Variants in UQCRC1 observed in about 807,000 individuals in gnomAD.
UQCRC1 encodes cytochrome b-c1 complex subunit 1, mitochondrial.
A neutral mutation model predicts 58.0 loss-of-function variants in UQCRC1; 34 were observed. The observed-to-expected ratio is 0.59, with a 90% CI of 0.45 to 0.78. The LOEUF is 0.78. UQCRC1 is among the 30% of genes least tolerant of loss of function. The pLI, the probability that UQCRC1 is intolerant of heterozygous loss-of-function variation, is 0.00. For synonymous variants in UQCRC1, 276 were observed against 248.8 expected, an observed-to-expected ratio of 1.11 and a Z score of -1.03; for missense variants, 610 against 646.0, an observed-to-expected ratio of 0.94 and a Z score of 0.60.
rs770628829 is a variant in UQCRC1 at position 48,601,086 on chromosome 3, G to A, written c.855C>T (p.Ala285=). Residue 285 remains alanine, a synonymous_variant, in exon 8 of 13, where the codon GCC becomes GCT. Transcript: ENST00000203407. ...IRHRDDALPF[A]HVAIAVEGPG... is the part of the protein sequence containing the mutation. ...GACCCTCTACTGCAATGGCCACGTG[G>A]GCAAAAGGTAGAGCATCATCACGGT... 4.4e-6 allele frequency: 7 copies of A among 1,606,584 alleles called. No individual in the cohort carries two copies. In the East Asian group the frequency reaches 1.3e-4, roughly 31 times the overall value.
intron 2 of UQCRC1, 96 bp downstream of exon 2, chr3:48,609,066 A>G: frequency 6.6e-7 from 1 of 1,508,060 alleles, no homozygotes; most frequent in South Asian, 1.3e-5. Context: ...CCCAAACCAC[A>G]AACGGGAAGA....
At position 48,608,736 on chromosome 3, in the gene UQCRC1, T is replaced by C. The variant is rs1478431977; in HGVS notation, c.210+426A>G. Among the ~76,000 whole-genome samples, 4 of 152,260 alleles carry C rather than the reference T, an allele frequency of 2.6e-5. No homozygotes were observed. The East Asian group carries it at 7.7e-4, about 29-fold the overall frequency. On this transcript the variant is annotated intron_variant, in intron 2 of 12. Coordinates refer to ENST00000203407, the MANE Select transcript of UQCRC1 (RefSeq NM_003365.3). ...TGGAAAATCACACATTTCATTGTAC[T>C]GTTAAAATGCATTTGCTTCCTAAAA...
chr3:48,600,412 G>A, intron 10 of UQCRC1, 70 bp downstream of exon 10: 1 of 1,578,308 alleles, frequency 6.3e-7, no homozygotes. Flanking sequence ...TTAGTTAGGA[G>A]CAGTGGCCAC....
chr3:48,609,405 G>A, intron 1 of UQCRC1, 103 bp from the exon 2 acceptor site: 8 of 1,518,618 alleles, frequency 5.3e-6, no homozygotes, highest in Non-Finnish European at 7.1e-6. Flanking sequence ...GGCAAGCGGC[G>A]AGATACCTTT....
chr3:48,609,589 G>A lies in UQCRC1; in HGVS notation c.32C>T (p.Thr11Ile), dbSNP rs1476053474. The change falls in exon 1 of 13, where the codon ACC (threonine) becomes ATC (isoleucine). Residue 11 changes from threonine (T) to isoleucine (I), a missense_variant. Thr to Ile is a moderately conservative substitution (Grantham distance 89, BLOSUM62 -1). Transcript: ENST00000203407. MAASVVCRAA[T>I]AGAQVLLRAR... ...GCGCAATAGCACTTGTGCCCCGGCG[G>A]TAGCGGCCCGACAGACCACGGACGC... 1.3e-6 allele frequency: 2 copies of A among 1,571,080 alleles called. No individual in the cohort carries two copies. The highest frequency in any genetic ancestry group is 1.8e-5 in the Admixed American group (1 of 56,198).
chr3:48,599,829 A>T, intron 11 of UQCRC1, 119 bp from the exon 12 acceptor site: 1 of 1,188,520 alleles, frequency 8.4e-7, no homozygotes, highest in South Asian at 1.3e-5. Context: ...CCCCAGCCCA[A>T]AAGAGGAAAG....
chr3:48,599,247 C>G, intron 12 of UQCRC1, 55 bp from the exon 13 acceptor site: 1 of 1,529,800 alleles, frequency 6.5e-7, no homozygotes, highest in Non-Finnish European at 8.9e-7. Flanking sequence ...ACAGGGACAC[C>G]TGGCCCTGTG....
intron 7 of UQCRC1, 73 bp downstream of exon 7, chr3:48,601,279 G>A (rs982449872): frequency 6.3e-7 from 1 of 1,577,360 alleles, no homozygotes. Context: ...GGAGTCACCA[G>A]GATAACCATG....
chr3:48,599,143 G>A lies in UQCRC1; in HGVS notation c.1428C>T (p.Phe476=), dbSNP rs1235762655. 1.2e-6 allele frequency: 2 copies of A among 1,612,084 alleles called. No homozygotes were observed. Among genetic ancestry groups the A allele is most frequent in the African/African-American group, 2.7e-5 (2 of 74,902 alleles). ...GGCTTCCCGCCTAGAAGCGCAGCCA[G>A]AACATGCCGCTACGGATCCGGTTGT... ...PDYNRIRSGM[F]WLRF The change falls in exon 13 of 13, where the codon TTC becomes TTT. Residue 476 remains phenylalanine, a synonymous_variant. Coordinates refer to ENST00000203407, the MANE Select transcript of UQCRC1 (RefSeq NM_003365.3).
chr3:48,603,075 C>T (rs186497692), intron 6 of UQCRC1, among the ~76,000 whole-genome samples: 66 of 152,284 alleles, frequency 4.3e-4, no homozygotes, highest in Non-Finnish European at 7.5e-4. Context: ...TAACACTCAC[C>T]ACCTTTCAGG....
intron 12 of UQCRC1, 84 bp downstream of exon 12, chr3:48,599,551 G>A: frequency 6.9e-7 from 1 of 1,457,546 alleles, no homozygotes; most frequent in South Asian, 1.2e-5. Flanking sequence ...AAGCTGAGCA[G>A]CAGTGCGGGA....
At chr3:48,604,480 C>G in intron 4 of UQCRC1, 49 bp from the exon 5 acceptor site, 1 of 1,601,924 alleles carries the variant, frequency 6.2e-7, no homozygotes, top group African/African-American at 1.3e-5. Context: ...CACTGCAGAC[C>G]AACGACAGCA....
Position 48,609,612 on chromosome 3 carries a change from C to T in UQCRC1, c.9G>A (p.Ala3=), listed in dbSNP as rs987029665. 7 of 1,568,248 alleles carry T rather than the reference C, an allele frequency of 4.5e-6. No homozygotes were observed. The highest frequency in any genetic ancestry group is 2.4e-5 in the East Asian group (1 of 42,520). Residue 3 remains alanine, a synonymous_variant, in exon 1 of 13, where the codon GCG becomes GCA. Coordinates refer to ENST00000203407, the MANE Select transcript of UQCRC1 (RefSeq NM_003365.3). MA[A]SVVCRAATAG... ...CGGTAGCGGCCCGACAGACCACGGA[C>T]GCCGCCATCTTCCAGCTGCAGTCGG...
chr3:48,599,462 G>A (rs2046341831), intron 12 of UQCRC1, 173 bp downstream of exon 12: 2 of 749,832 alleles, frequency 2.7e-6, no homozygotes, highest in Admixed American at 2.6e-5. Flanking sequence ...GAACTGCTGG[G>A]ACAGGTTTTC....
In UQCRC1 at chr3:48,609,607, A is replaced by C. The variant is rs770821633; in HGVS notation, c.14T>G (p.Val5Gly). The C allele has an allele frequency of 3.2e-6, 5 of 1,568,840 alleles. No individual in the cohort carries two copies. The highest frequency in any genetic ancestry group is 4.7e-5 in the East Asian group (2 of 42,568). Residue 5 changes from valine (V) to glycine (G), a missense_variant, in exon 1 of 13, where the codon GTG becomes GGG. Val to Gly is a moderately radical substitution (Grantham distance 109). Transcript: ENST00000203407. Reference sequence around the variant, plus strand: ...CCCGGCGGTAGCGGCCCGACAGACCACGGACGCCGCCATCTTCCAGCTGCA... The same window carrying C: ...CCCGGCGGTAGCGGCCCGACAGACCCCGGACGCCGCCATCTTCCAGCTGCA... MAAS[V>G]VCRAATAGAQ...
At chr3:48,606,907 A>G (rs1434321930) in intron 2 of UQCRC1, among the ~76,000 whole-genome samples, 2 of 151,290 alleles carry the variant, frequency 1.3e-5, no homozygotes, top group Admixed American at 1.3e-4. Context: ...CTGTCACGAG[A>G]CGAGTGCAGT....
In UQCRC1 at chr3:48,599,669, G is replaced by A; in HGVS notation, c.1344C>T (p.Tyr448=). The part of the protein sequence containing the change: ...ASVVREICSK[Y]IYDQCPAVAG... Reference sequence around the variant, plus strand: ...CCACTGCTGGGCACTGGTCATAGATGTACTTGGAGCAGATCTCACGTACCA... The same window carrying A: ...CCACTGCTGGGCACTGGTCATAGATATACTTGGAGCAGATCTCACGTACCA... The change falls in exon 12 of 13, where the codon TAC becomes TAT. Residue 448 remains tyrosine, a synonymous_variant. Transcript: ENST00000203407. The A allele has an allele frequency of 6.2e-7, 1 of 1,613,920 alleles. No homozygotes were observed. Among genetic ancestry groups the A allele is most frequent in the Non-Finnish European group, 8.5e-7 (1 of 1,179,982 alleles).
chr3:48,599,509 G>A, intron 12 of UQCRC1, 126 bp downstream of exon 12: 16 of 1,044,558 alleles, frequency 1.5e-5, no homozygotes, highest in Non-Finnish European at 2.3e-5. Flanking sequence ...GGACTGGGGA[G>A]AGCTGCTTGG....
Position 48,604,283 on chromosome 3 carries a change from G to A in UQCRC1, c.576C>T (p.Phe192=). The A allele has an allele frequency of 6.2e-7, 1 of 1,613,522 alleles. No individual in the cohort carries two copies. The highest frequency in any genetic ancestry group is 8.5e-7 in the Non-Finnish European group (1 of 1,180,044). ...VVFNYLHATA[F]QGTPLAQAVE... is the part of the protein sequence containing the mutation. ...CAGCCTGGGCTAGAGGTGTGCCCTGGAATGCTGTGGCATGCAGGTAGTTAA... is the reference window on the plus strand; with the variant it reads ...CAGCCTGGGCTAGAGGTGTGCCCTGAAATGCTGTGGCATGCAGGTAGTTAA... Residue 192 remains phenylalanine, a synonymous_variant, in exon 5 of 13, where the codon TTC becomes TTT. Transcript: ENST00000203407.
Sources: gnomAD v4.1 joint callset for allele counts (sites outside exome capture counted in the v4.1 genomes callset) on GRCh38, gnomAD v4.1.1 for gene constraint, MANE v1.5 for transcripts, NCBI Gene and HGNC (gene_info 2026-07-23, HGNC 2026-07-21) for gene names.